The following PDE1A variants were observed in gnomAD, a reference collection of about 807,000 sequenced individuals.
PDE1A encodes the protein phosphodiesterase 1A.
Under a neutral mutation model 61.7 loss-of-function variants are expected in PDE1A, and 35 were observed. The observed-to-expected ratio is 0.57, with a 90% CI of 0.43 to 0.75. The LOEUF (loss-of-function observed/expected upper bound fraction) is 0.75. PDE1A is among the 30% of genes least tolerant of loss of function. The probability of loss-of-function intolerance (pLI) is 0.00; values close to 1 mark genes in which losing one functional copy is unlikely to be tolerated. For missense variants in PDE1A, 597 were observed against 630.6 expected (o/e 0.95, Z 0.57); for synonymous variants, 232 against 213.2 (o/e 1.09, Z -0.77).
At chr2:182,186,042 G>T (rs746212329) in exon 13 of PDE1A, 1 of 1,613,904 alleles carries the variant, frequency 6.2e-7, no homozygotes. Context: ...GATCGTCTTA[G>T]TGCATCAGCA....
chr2:182,207,514 A>G lies in PDE1A; in HGVS notation c.777-1449T>C, dbSNP rs200382083. 5.6e-4 allele frequency among the ~76,000 whole-genome samples: 85 copies of G among 152,368 alleles called. No individual in the cohort carries two copies. The East Asian group carries it at 0.014, about 25-fold the overall frequency. ...TTTGTAAAAGCCTATGCTCATTTGC[A>G]TAAAGAAAGAAATTACCTGAAACTG... On this transcript the variant is annotated intron_variant, in intron 7 of 13. Coordinates refer to ENST00000351439, the Ensembl canonical transcript of PDE1A.
At chr2:182,452,493 T>C (rs1685596739) in intron 2 of PDE1A, among the ~76,000 whole-genome samples, 1 of 151,784 alleles carries the variant, frequency 6.6e-6, no homozygotes, top group Admixed American at 6.6e-5. Flanking sequence ...TTGAAGCTTT[T>C]GTTTTGTTTT....
chr2:182,460,919 C>T (rs1686241092), intron 2 of PDE1A, among the ~76,000 whole-genome samples: 2 of 152,146 alleles, frequency 1.3e-5, no homozygotes, highest in Non-Finnish European at 2.9e-5. Context: ...TTAACCCACT[C>T]TCCTCCACTT....
chr2:182,333,448 A>G (rs1574376955), intron 1 of PDE1A, among the ~76,000 whole-genome samples: 2 of 152,216 alleles, frequency 1.3e-5, no homozygotes, highest in Admixed American at 1.3e-4. Context: ...GCACAATTAC[A>G]TGGAAACTGA....
intron 1 of PDE1A, among the ~76,000 whole-genome samples, chr2:182,342,510 C>A (rs1038993482): frequency 3.3e-5 from 5 of 152,140 alleles, no homozygotes; most frequent in Non-Finnish European, 7.4e-5. Context: ...GGTGAAACCT[C>A]ATCTCTACTA....
intron 1 of PDE1A, among the ~76,000 whole-genome samples, chr2:182,348,466 G>A (rs1025648820): frequency 1.3e-5 from 2 of 152,070 alleles, no homozygotes; most frequent in African/African-American, 4.8e-5. Flanking sequence ...CACCTAACAG[G>A]AAGGCCATAA....
At chr2:182,665,846 G>GA in the PDE1A span, among the ~76,000 whole-genome samples, 884 of 152,302 alleles carry the variant, frequency 5.8e-3, 3 homozygotes, top group Non-Finnish European at 0.01. Flanking sequence ...ACTGGATAAA[G>GA]AAAGTGTGGT....
chr2:182,689,378 T>A, the PDE1A span, among the ~76,000 whole-genome samples: 1 of 152,034 alleles, frequency 6.6e-6, no homozygotes, highest in South Asian at 2.1e-4. Flanking sequence ...AGAAACTCAC[T>A]CAAAACCGCT....
chr2:182,517,925 G>A (rs1234130891), intron 2 of PDE1A, among the ~76,000 whole-genome samples: 4 of 152,186 alleles, frequency 2.6e-5, no homozygotes, highest in East Asian at 1.9e-4. Context: ...AAAGGAAAAC[G>A]GAGGAACAGT....
chr2:182,386,036 GT>G (rs1701055009), intron 1 of PDE1A, among the ~76,000 whole-genome samples: 1 of 152,196 alleles, frequency 6.6e-6, no homozygotes, highest in African/African-American at 2.4e-5. Context: ...TGTTTTTTTG[GT>G]GGAGACGGGG....
chr2:182,356,378 G>A (rs190734159), intron 1 of PDE1A, among the ~76,000 whole-genome samples: 21 of 152,196 alleles, frequency 1.4e-4, no homozygotes, highest in Admixed American at 8.5e-4. Context: ...GTTTTAAAAC[G>A]TAAAATCGTA....
intron 1 of PDE1A, among the ~76,000 whole-genome samples, chr2:182,290,929 G>A (rs1694487860): frequency 1.3e-5 from 2 of 151,956 alleles, no homozygotes; most frequent in African/African-American, 4.8e-5. Context: ...TTATATAAAT[G>A]GCACCAACAT....
chr2:182,408,181 C>CAAA (rs5836834), intron 1 of PDE1A, among the ~76,000 whole-genome samples: 7 of 116,056 alleles, frequency 6.0e-5, no homozygotes, highest in African/African-American at 1.0e-4. Flanking sequence ...AAGTATCTGC[C>CAAA]AAAAAAAAAA....
the PDE1A span, among the ~76,000 whole-genome samples, chr2:182,635,327 G>A: frequency 0.62 from 93,439 of 151,562 alleles, 29,019 homozygotes; most frequent in Admixed American, 0.71. Context: ...CCCAACTATC[G>A]CCTTCCCAGT....
intron 7 of PDE1A, among the ~76,000 whole-genome samples, chr2:182,207,897 G>A (rs1170222455): frequency 6.6e-6 from 1 of 152,240 alleles, no homozygotes; most frequent in Non-Finnish European, 1.5e-5. Flanking sequence ...TACAGCTCAG[G>A]CCATTGCTTC....
At position 182,226,204 on chromosome 2, in the gene PDE1A, T is replaced by C. The variant is rs1181048788; in HGVS notation, c.676-2240A>G. ...CATTATCTACTATGATAACACAGAA[T>C]ATAAACTGTCAATAGTAAAAAGAAA... On this transcript the variant is annotated intron_variant, in intron 6 of 13. Transcript: ENST00000351439. 1.3e-5 allele frequency among the ~76,000 whole-genome samples: 2 copies of C among 149,942 alleles called. 1 individual carries two copies. Among genetic ancestry groups the C allele is most frequent in the African/African-American group, 5.1e-5 (2 of 39,528 alleles).
chr2:182,201,695 G>C (rs774384482), exon 9 of PDE1A: 11 of 1,594,792 alleles, frequency 6.9e-6, no homozygotes, highest in Non-Finnish European at 7.7e-6. Flanking sequence ...TACCCTTCAG[G>C]CTGCTGCAAA....
chr2:182,157,221 G>A (rs1691141515), intron 13 of PDE1A, among the ~76,000 whole-genome samples: 1 of 151,810 alleles, frequency 6.6e-6, no homozygotes, highest in African/African-American at 2.4e-5. Flanking sequence ...CACCATGTTG[G>A]CCAGGCTGGT....
the PDE1A span, among the ~76,000 whole-genome samples, chr2:182,551,948 G>C: frequency 6.6e-6 from 1 of 152,198 alleles, no homozygotes; most frequent in South Asian, 2.1e-4. Context: ...TCTATACTCA[G>C]AGAAGCTAGA....
Sources: allele counts gnomAD v4.1 joint callset (sites outside exome capture counted in the v4.1 genomes callset), GRCh38; gene constraint gnomAD v4.1.1; transcripts MANE v1.5; gene names NCBI Gene and HGNC (gene_info 2026-07-23, HGNC 2026-07-21).